PTCD2: variants seen among roughly 807,000 people sequenced by gnomAD.
PTCD2 encodes the protein pentatricopeptide repeat-containing protein 2, mitochondrial.
In PTCD2, 31 loss-of-function variants were observed where a neutral mutation model predicts 42.6. The ratio of observed to expected loss-of-function variants is 0.73; its 90% CI spans 0.55 to 0.98. PTCD2 has a LOEUF of 0.98. Ranked by LOEUF, PTCD2 falls within the 50% of genes least tolerant of loss-of-function variation. The pLI is 0.00. For synonymous variants in PTCD2, 183 were observed against 170.9 expected (o/e 1.07, Z -0.55); for missense variants, 476 against 454.8 (o/e 1.05, Z -0.42).
intron 2 of PTCD2, among the ~76,000 whole-genome samples, chr5:72,324,469 C>T (rs145914725): frequency 2.6e-4 from 39 of 152,292 alleles, no homozygotes; most frequent in African/African-American, 9.1e-4. Context: ...CTGTCATTCC[C>T]AGTTCTGTTC....
chr5:72,354,851 AGTT>A (rs1479855956), intron 9 of PTCD2, among the ~76,000 whole-genome samples: 1 of 152,244 alleles, frequency 6.6e-6, no homozygotes, highest in African/African-American at 2.4e-5. Context: ...CTAGACAACT[AGTT>A]GTACAAATTA....
Position 72,331,330 on chromosome 5 carries a change from C to T in PTCD2, c.423C>T (p.Tyr141=), listed in dbSNP as rs770861070. 1.7e-5 allele frequency: 27 copies of T among 1,613,834 alleles called. No homozygotes were observed. Among genetic ancestry groups the T allele is most frequent in the South Asian group, 2.2e-5 (2 of 91,074 alleles). ...GACCGCTTTTTGTGAGGTTGTGTTA[C>T]GAGTTGGATCTCGAGGAATCTGCAG... ...KFGPLFVRLC[Y]ELDLEESAVE... The change falls in exon 4 of 10, where the codon TAC becomes TAT. Residue 141 remains tyrosine (Y), a synonymous_variant. Coordinates refer to ENST00000380639, the MANE Select transcript of PTCD2 (RefSeq NM_024754.5).
At chr5:72,351,732 G>A (rs1441837244) in intron 8 of PTCD2, among the ~76,000 whole-genome samples, 1 of 152,062 alleles carries the variant, frequency 6.6e-6, no homozygotes, top group Non-Finnish European at 1.5e-5. Flanking sequence ...ACAGCATGGG[G>A]GAAACTGCCC....
intron 1 of PTCD2, 28 bp downstream of exon 1, chr5:72,320,537 A>C (rs932201926): frequency 3.7e-6 from 6 of 1,612,376 alleles, no homozygotes; most frequent in Non-Finnish European, 5.1e-6. Flanking sequence ...CTAGGGAAGG[A>C]GGGGAGGGAT....
chr5:72,357,115 C>T (rs1446973299), intron 9 of PTCD2, among the ~76,000 whole-genome samples: 1 of 152,164 alleles, frequency 6.6e-6, no homozygotes, highest in Non-Finnish European at 1.5e-5. Flanking sequence ...CTCCTTCATG[C>T]CCCAGACTTG....
chr5:72,355,108 T>A (rs1380578778), intron 9 of PTCD2, among the ~76,000 whole-genome samples: 1 of 152,206 alleles, frequency 6.6e-6, no homozygotes, highest in Non-Finnish European at 1.5e-5. Flanking sequence ...TTTCAGATCT[T>A]TTTTTATAGA....
At chr5:72,354,139 C>T (rs552260983) in intron 9 of PTCD2, among the ~76,000 whole-genome samples, 12 of 152,152 alleles carry the variant, frequency 7.9e-5, no homozygotes, top group African/African-American at 2.9e-4. Context: ...GGTGCGGTGG[C>T]TCATGCCTAT....
rs534088902 is a variant in PTCD2 at position 72,360,373 on chromosome 5, A to G, written c.*1946A>G. ...TGGCCTTGGTTGTTAGCTAACAACC[A>G]TTCATTAGCGAAATAACCAAATTTT... On this transcript the variant is annotated 3_prime_UTR_variant, in exon 10 of 10. Coordinates refer to ENST00000380639, the MANE Select transcript of PTCD2 (RefSeq NM_024754.5). 1.2e-4 allele frequency: 18 copies of G among 152,300 alleles called. No homozygotes were observed. The highest frequency in any genetic ancestry group is 4.3e-4 in the African/African-American group (18 of 41,560). The allele number at this position is 152,300 out of a possible 1,614,324, so 9.4% of individuals were successfully genotyped here.
chr5:72,326,577 C>T (rs750931636), intron 2 of PTCD2, 35 bp from the exon 3 acceptor site: 1 of 1,612,014 alleles, frequency 6.2e-7, no homozygotes, highest in Non-Finnish European at 8.5e-7. Flanking sequence ...CTCAGTCAGC[C>T]TGAGTGATGG....
intron 8 of PTCD2, among the ~76,000 whole-genome samples, chr5:72,350,498 CTG>C (rs1232684376): frequency 1.3e-5 from 2 of 152,162 alleles, no homozygotes; most frequent in African/African-American, 2.4e-5. Flanking sequence ...GGATGCAACA[CTG>C]TGTTTGTTGT....
chr5:72,320,633 C>A, intron 1 of PTCD2, 124 bp downstream of exon 1: 3 of 1,397,916 alleles, frequency 2.1e-6, no homozygotes, highest in African/African-American at 2.8e-5. Context: ...GGAGCGCACC[C>A]TCGCCCTCTA....
Position 72,367,033 on chromosome 5 carries a change from T to C in PTCD2, c.*8606T>C, listed in dbSNP as rs1753220758. 6.6e-6 allele frequency: 1 copy of C among 152,218 alleles called. No homozygotes were observed. The highest frequency in any genetic ancestry group is 1.5e-5 in the Non-Finnish European group (1 of 68,034). 9.4% of individuals were successfully genotyped at this position (152,218 alleles called of 1,614,324 possible). On this transcript the variant is annotated 3_prime_UTR_variant, in exon 10 of 10. Coordinates refer to ENST00000380639, the MANE Select transcript of PTCD2 (RefSeq NM_024754.5). Reference sequence around the variant, plus strand: ...AAGAAGTAAAAAGGAATTAGGATCTTGGTTATTTTGATTGTCTCTCTACCC... The same window carrying C: ...AAGAAGTAAAAAGGAATTAGGATCTCGGTTATTTTGATTGTCTCTCTACCC...
At chr5:72,350,179 AG>A (rs1382836661) in intron 8 of PTCD2, among the ~76,000 whole-genome samples, 4 of 152,234 alleles carry the variant, frequency 2.6e-5, no homozygotes, top group Non-Finnish European at 5.9e-5. Context: ...TTATTAACAA[AG>A]GTGTTAAGAA....
At chr5:72,344,868 G>A (rs566962542) in intron 8 of PTCD2, among the ~76,000 whole-genome samples, 9 of 152,238 alleles carry the variant, frequency 5.9e-5, no homozygotes, top group South Asian at 2.1e-4. Flanking sequence ...CAGAGATCAC[G>A]TGCTTCACAA....
chr5:72,342,378 C>T (rs1016358041), intron 7 of PTCD2, among the ~76,000 whole-genome samples: 2 of 152,206 alleles, frequency 1.3e-5, no homozygotes, highest in African/African-American at 4.8e-5. Context: ...GCTTGACTAG[C>T]CTCATCTCTG....
At chr5:72,323,410 C>T (rs1289349530) in intron 2 of PTCD2, among the ~76,000 whole-genome samples, 1 of 152,192 alleles carries the variant, frequency 6.6e-6, no homozygotes, top group Non-Finnish European at 1.5e-5. Context: ...CATTCTCTCC[C>T]TCCTGCACAT....
intron 2 of PTCD2, among the ~76,000 whole-genome samples, 197 bp from the exon 3 acceptor site, chr5:72,326,415 C>G (rs1281010013): frequency 1.3e-5 from 2 of 152,192 alleles, no homozygotes; most frequent in Non-Finnish European, 2.9e-5. Context: ...GCCCATGTCC[C>G]TGCCTCCTGT....
chr5:72,338,766 G>T, intron 7 of PTCD2, 31 bp downstream of exon 7: 1 of 1,263,718 alleles, frequency 7.9e-7, no homozygotes, highest in South Asian at 1.3e-5. Context: ...TAAGTAAATT[G>T]GGAGTGGCCA....
intron 7 of PTCD2, among the ~76,000 whole-genome samples, chr5:72,340,268 A>C (rs974660129): frequency 6.6e-6 from 1 of 152,176 alleles, no homozygotes; most frequent in Non-Finnish European, 1.5e-5. Flanking sequence ...TGAAATTACT[A>C]TATTTCCTCT....
Sources: allele counts gnomAD v4.1 joint callset (sites outside exome capture counted in the v4.1 genomes callset), GRCh38; gene constraint gnomAD v4.1.1; transcripts MANE v1.5; gene names NCBI Gene and HGNC (gene_info 2026-07-23, HGNC 2026-07-21).